TTC38: variants seen among roughly 807,000 people sequenced by gnomAD.
TTC38 encodes the protein tetratricopeptide repeat domain 38.
A neutral mutation model predicts 64.2 loss-of-function variants in TTC38; 64 were observed. The observed-to-expected ratio is 1.00, with a 90% confidence interval of 0.81 to 1.23. TTC38 has a LOEUF of 1.23. Among genes scored for constraint, TTC38 ranks in the 50% most tolerant of loss-of-function variants. The pLI, the probability that TTC38 is intolerant of heterozygous loss-of-function variation, is 0.00. For missense variants in TTC38, 573 were observed against 615.5 expected, an observed-to-expected ratio of 0.93 and a Z score of 0.73; for synonymous variants, 254 against 249.3, an observed-to-expected ratio of 1.02 and a Z score of -0.18.
In TTC38 at chr22:46,276,991, A is replaced by G. The variant is rs1047733216; in HGVS notation, c.539+1570A>G. Among the ~76,000 whole-genome samples the G allele has an allele frequency of 6.6e-6, 1 of 150,766 alleles. No individual in the cohort carries two copies. The highest frequency in any genetic ancestry group is 2.4e-5 in the African/African-American group (1 of 40,934). On this transcript the variant is annotated intron_variant, in intron 5 of 13. Transcript: ENST00000381031. This position sits in a 1 kb window ranked among gnomAD's most constrained non-coding sequence, Gnocchi z 4.7. Reference sequence around the variant, plus strand: ...CCTGACACACAGCAAACATACAATAAATAGCTTAAGTGTTGAGGATTAAAT... The same window carrying G: ...CCTGACACACAGCAAACATACAATAGATAGCTTAAGTGTTGAGGATTAAAT...
rs35264572 is a variant in TTC38, at chr22:46,271,015, T to TAA, written c.112-1311_112-1310dup. Among the ~76,000 whole-genome samples, 19 of 150,062 alleles carry TAA rather than the reference T, an allele frequency of 1.3e-4. No homozygotes were observed. Among genetic ancestry groups the TAA allele is most frequent in the African/African-American group, 4.4e-4 (18 of 41,082 alleles). On this transcript the variant is annotated intron_variant, in intron 2 of 13. Coordinates refer to ENST00000381031, the MANE Select transcript of TTC38 (RefSeq NM_017931.4). The surrounding 1 kb of genome is among the most constrained non-coding windows in gnomAD (Gnocchi z 5.5). The stretch of plus-strand genomic sequence containing the variant: ...TGACAGGGCAAGATTCTGTCTCAAT[T>TAA]AAAAAAAAAATGATAAAATGAGCTT...
chr22:46,282,083 G>C lies in TTC38; in HGVS notation c.735+365G>C, dbSNP rs899595995. The C allele has an allele frequency of 1.6e-5, 7 of 426,522 alleles. No individual in the cohort carries two copies. Among genetic ancestry groups the C allele is most frequent in the Middle Eastern group, 3.5e-4 (1 of 2,822 alleles). 26.4% of individuals were successfully genotyped at this position (426,522 alleles called of 1,614,324 possible). ...GAAGCATTAAACTCAACTGGGCTTG[G>C]GGGGACAGTGGCTAGGGAAGGCATC... On this transcript the variant is annotated intron_variant, in intron 7 of 13. Coordinates refer to ENST00000381031, the MANE Select transcript of TTC38 (RefSeq NM_017931.4). The surrounding 1 kb of genome is among the most constrained non-coding windows in gnomAD (Gnocchi z 4.4).
chr22:46,268,968 T>A, intron 2 of TTC38: 1 of 344,292 alleles, frequency 2.9e-6, no homozygotes, highest in South Asian at 2.2e-5. Context: ...ATTACAGGCG[T>A]GAGCCACCGC....
Position 46,281,530 on chromosome 22 carries a change from G to C in TTC38, c.616-69G>C, listed in dbSNP as rs944860320. On this transcript the variant is annotated intron_variant, in intron 6 of 13. Coordinates refer to ENST00000381031, the MANE Select transcript of TTC38 (RefSeq NM_017931.4). This position sits in a 1 kb window ranked among gnomAD's most constrained non-coding sequence, Gnocchi z 5.2. Reference sequence around the variant, plus strand: ...GGCCCCTCTTGCCCCTTAGAGACCTGCCGTCGCCTGCCCCGGCAGCCTGAC... The same window carrying C: ...GGCCCCTCTTGCCCCTTAGAGACCTCCCGTCGCCTGCCCCGGCAGCCTGAC... 2 of 1,583,882 alleles carry C rather than the reference G, an allele frequency of 1.3e-6. No homozygotes were observed. The highest frequency in any genetic ancestry group is 1.7e-6 in the Non-Finnish European group (2 of 1,161,412).
rs977474266 is a variant in TTC38 at position 46,282,937 on chromosome 22, GT to G, written c.736-1027del. ...TTGATCTCTGCAGGTTTTTGTTTTT[GT>G]TTTTTTTTGAGACAAGTTCTCTCTC... On this transcript the variant is annotated intron_variant, in intron 7 of 13. Coordinates refer to ENST00000381031, the MANE Select transcript of TTC38 (RefSeq NM_017931.4). The surrounding 1 kb of genome is among the most constrained non-coding windows in gnomAD (Gnocchi z 4.4). 2.0e-5 allele frequency among the ~76,000 whole-genome samples: 3 copies of G among 150,780 alleles called. No homozygotes were observed. In the East Asian group the frequency reaches 5.8e-4, roughly 29 times the overall value.
chr22:46,268,124 G>A (rs866503246), intron 1 of TTC38, 52 bp downstream of exon 1: 9 of 1,514,128 alleles, frequency 5.9e-6, no homozygotes, highest in Non-Finnish European at 7.9e-6. Context: ...GGGTCCTGGG[G>A]GTGGCCCGGT....
At chr22:46,284,286 G>A (rs1428410181) in intron 8 of TTC38, among the ~76,000 whole-genome samples, 1 of 152,348 alleles carries the variant, frequency 6.6e-6, no homozygotes, top group East Asian at 1.9e-4. Context: ...GGAGAGCCAA[G>A]CCCCAACTCC....
At chr22:46,290,870 C>T (rs1012011095) in intron 13 of TTC38, among the ~76,000 whole-genome samples, 1 of 152,208 alleles carries the variant, frequency 6.6e-6, no homozygotes, top group African/African-American at 2.4e-5. Context: ...GCGAGTTTGA[C>T]ACCTCTCCTT....
rs1380070697 is a variant in TTC38 at position 46,276,811 on chromosome 22, AAT to A, written c.539+1399_539+1400del. On this transcript the variant is annotated intron_variant, in intron 5 of 13. Coordinates refer to ENST00000381031, the MANE Select transcript of TTC38 (RefSeq NM_017931.4). This position sits in a 1 kb window ranked among gnomAD's most constrained non-coding sequence, Gnocchi z 4.7. ...ATATATATTAAAAATTATATATTAA[AAT>A]ATATATATTAAATATATATATATAT... Among the ~76,000 whole-genome samples, 70 of 138,178 alleles carry A rather than the reference AAT, an allele frequency of 5.1e-4. No homozygotes were observed. The highest frequency in any genetic ancestry group is 1.9e-3 in the African/African-American group (63 of 33,874). The allele number at this position is 138,178 out of a possible 152,430, so 90.7% of individuals were successfully genotyped here.
chr22:46,282,948 A>G lies in TTC38; in HGVS notation c.736-1025A>G, dbSNP rs1970622032. Among the ~76,000 whole-genome samples, 4 of 151,252 alleles carry G rather than the reference A, an allele frequency of 2.6e-5. No individual in the cohort carries two copies. Among genetic ancestry groups the G allele is most frequent in the Admixed American group, 2.6e-4 (4 of 15,204 alleles). On this transcript the variant is annotated intron_variant, in intron 7 of 13. Coordinates refer to ENST00000381031, the MANE Select transcript of TTC38 (RefSeq NM_017931.4). This position sits in a 1 kb window ranked among gnomAD's most constrained non-coding sequence, Gnocchi z 4.4. ...AGGTTTTTGTTTTTGTTTTTTTTTG[A>G]GACAAGTTCTCTCTCTGTCGCCCAA... is the stretch of plus-strand genomic sequence containing the variant.
intron 6 of TTC38, among the ~76,000 whole-genome samples, chr22:46,279,606 G>C (rs1348917981): frequency 2.6e-5 from 4 of 152,224 alleles, no homozygotes; most frequent in African/African-American, 9.6e-5. Flanking sequence ...TCGGCCTGCA[G>C]CATCCTCTCT....
Position 46,270,209 on chromosome 22 carries a change from C to T in TTC38, c.111+1618C>T, listed in dbSNP as rs1164160887. ...TGTGCTGTCCTGTGTTAGAACTTGG[C>T]TTCTTTAAATCTCTGTGCCAACCCT... On this transcript the variant is annotated intron_variant, in intron 2 of 13. Coordinates refer to ENST00000381031, the MANE Select transcript of TTC38 (RefSeq NM_017931.4). This position sits in a 1 kb window ranked among gnomAD's most constrained non-coding sequence, Gnocchi z 4.7. 2.0e-5 allele frequency among the ~76,000 whole-genome samples: 3 copies of T among 152,176 alleles called. No individual in the cohort carries two copies. Among genetic ancestry groups the T allele is most frequent in the Non-Finnish European group, 4.4e-5 (3 of 68,032 alleles).
At chr22:46,289,704 G>A (rs576048103) in intron 12 of TTC38, 122 bp from the exon 13 acceptor site, 533 of 1,462,608 alleles carry the variant, frequency 3.6e-4, no homozygotes, top group Middle Eastern at 1.0e-3. Flanking sequence ...GTGTAAGTTC[G>A]TCGTTGAGGG....
At chr22:46,283,370 G>A (rs1217740686) in intron 7 of TTC38, among the ~76,000 whole-genome samples, 3 of 152,196 alleles carry the variant, frequency 2.0e-5, no homozygotes, top group Non-Finnish European at 4.4e-5. Context: ...AGTTGCTGAA[G>A]TAACTTCCTC....
intron 2 of TTC38, chr22:46,269,098 C>CG (rs1491231168): frequency 1.2e-5 from 5 of 424,200 alleles, no homozygotes; most frequent in African/African-American, 8.7e-5. Context: ...GCCCCCCCCC[C>CG]ACAGCGTCCT....
At chr22:46,269,397 G>T (rs1376048436) in intron 2 of TTC38, 1 of 164,840 alleles carries the variant, frequency 6.1e-6, no homozygotes. Context: ...AGAAGTCTCA[G>T]AAGTAAGATC....
rs1387935525 is a variant in TTC38, at chr22:46,271,253, T to C, written c.112-1082T>C. On this transcript the variant is annotated intron_variant, in intron 2 of 13. Coordinates refer to ENST00000381031, the MANE Select transcript of TTC38 (RefSeq NM_017931.4). The surrounding 1 kb of genome is among the most constrained non-coding windows in gnomAD (Gnocchi z 5.5). ...TTTCTTTTCTTTTTTCTTTTTTTTCTTTTTTGAGACAGAGTCTCACTCTGT... is the reference window on the plus strand; with the variant it reads ...TTTCTTTTCTTTTTTCTTTTTTTTCCTTTTTGAGACAGAGTCTCACTCTGT... 6.6e-6 allele frequency among the ~76,000 whole-genome samples: 1 copy of C among 152,138 alleles called. No homozygotes were observed. Among genetic ancestry groups the C allele is most frequent in the Non-Finnish European group, 1.5e-5 (1 of 68,014 alleles).
chr22:46,289,741 G>A (rs1475719888), intron 12 of TTC38, 85 bp from the exon 13 acceptor site: 39 of 1,525,828 alleles, frequency 2.6e-5, no homozygotes, highest in Non-Finnish European at 3.4e-5. Flanking sequence ...CTGTCTCCCT[G>A]GAGAGCAGGC....
intron 1 of TTC38, 85 bp from the exon 2 acceptor site, chr22:46,268,429 C>A: frequency 7.8e-6 from 11 of 1,416,620 alleles, no homozygotes; most frequent in Non-Finnish European, 9.9e-6. Flanking sequence ...AGGTGGAGGT[C>A]AGAGGGGCCA....
Sources: allele counts gnomAD v4.1 joint callset (sites outside exome capture counted in the v4.1 genomes callset), GRCh38; gene constraint gnomAD v4.1.1; non-coding constraint Gnocchi (gnomAD v3.1); transcripts MANE v1.5; gene names NCBI Gene and HGNC (gene_info 2026-07-23, HGNC 2026-07-21).